The following LIMA1 variants were observed in gnomAD, a reference collection of about 807,000 sequenced individuals.
The protein encoded by LIMA1 is LIM domain and actin binding 1.
LIMA1 carries 52 observed loss-of-function variants against 62.6 expected under a neutral mutation model. The ratio of observed to expected loss-of-function variants is 0.83; its 90% confidence interval spans 0.67 to 1.05. The LOEUF is 1.05. Among genes scored for constraint, LIMA1 ranks in the 50% least tolerant of loss-of-function variants. LIMA1 has a pLI of 0.00. For missense variants in LIMA1, 780 were observed against 902.2 expected, an observed-to-expected ratio of 0.86 and a Z score of 1.74; for synonymous variants, 302 against 317.8, an observed-to-expected ratio of 0.95 and a Z score of 0.53.
intron 1 of LIMA1, among the ~76,000 whole-genome samples, chr12:50,263,813 G>GTGTGTC (rs1246747501): frequency 7.7e-6 from 1 of 129,136 alleles, no homozygotes; most frequent in African/African-American, 3.3e-5. Context: ...GTGTGTGTGT[G>GTGTGTC]TCTATATATA....
chr12:50,267,177 C>T (rs762128913), intron 1 of LIMA1, among the ~76,000 whole-genome samples: 1 of 152,054 alleles, frequency 6.6e-6, no homozygotes, highest in Non-Finnish European at 1.5e-5. Context: ...TCACGCCATT[C>T]TTCTGCCTCA....
At chr12:50,279,221 G>C (rs1942310128) in intron 1 of LIMA1, among the ~76,000 whole-genome samples, 1 of 150,894 alleles carries the variant, frequency 6.6e-6, no homozygotes, top group Non-Finnish European at 1.5e-5. Flanking sequence ...GGCCAGGCTG[G>C]TCTCGAACTC....
At chr12:50,240,983 A>G (rs1941769262) in intron 2 of LIMA1, among the ~76,000 whole-genome samples, 1 of 152,200 alleles carries the variant, frequency 6.6e-6, no homozygotes, top group East Asian at 1.9e-4. Context: ...GTGGGAGGGA[A>G]AAAGTGGTGA....
intron 6 of LIMA1, among the ~76,000 whole-genome samples, chr12:50,203,269 G>T (rs1350557220): frequency 1.3e-5 from 2 of 151,460 alleles, no homozygotes; most frequent in Non-Finnish European, 2.9e-5. Flanking sequence ...CCCACCTCAG[G>T]CTCCCAAAGT....
At chr12:50,232,074 G>T (rs1941620842) in intron 2 of LIMA1, among the ~76,000 whole-genome samples, 2 of 109,404 alleles carry the variant, frequency 1.8e-5, no homozygotes, top group East Asian at 2.7e-4. Context: ...TTTTGAGATA[G>T]GGTCTCACTC....
At chr12:50,230,266 C>G (rs1941589705) in intron 3 of LIMA1, among the ~76,000 whole-genome samples, 1 of 152,230 alleles carries the variant, frequency 6.6e-6, no homozygotes, top group African/African-American at 2.4e-5. Context: ...CAACTCCTAA[C>G]TTCAGGTGAT....
At chr12:50,259,454 T>C (rs1942038561) in intron 1 of LIMA1, among the ~76,000 whole-genome samples, 2 of 152,186 alleles carry the variant, frequency 1.3e-5, no homozygotes, top group Admixed American at 6.5e-5. Context: ...ACACATAGCT[T>C]TAAGTTTTAT....
chr12:50,204,657 A>G lies in LIMA1; in HGVS notation c.759T>C (p.Ser253=), dbSNP rs1941118800. ...SSTFDSEKNE[S]RRNLELPRLS... is the part of the protein sequence containing the mutation. Reference sequence around the variant, plus strand: ...GGCGTGGAAGTTCCAGATTTCGTCTACTCTCATTTTTCTCCGAGTCAAATG... The same window carrying G: ...GGCGTGGAAGTTCCAGATTTCGTCTGCTCTCATTTTTCTCCGAGTCAAATG... The change falls in exon 6 of 11, where the codon AGT becomes AGC. Residue 253 remains serine, a synonymous_variant. Transcript: ENST00000341247. 2 of 1,614,142 alleles carry G rather than the reference A, an allele frequency of 1.2e-6. No individual in the cohort carries two copies.
intron 5 of LIMA1, 148 bp downstream of exon 5, chr12:50,205,836 A>T: frequency 6.2e-6 from 2 of 324,940 alleles, no homozygotes; most frequent in African/African-American, 2.2e-5. Context: ...GAGAGCAATG[A>T]GATTTGAGAA....
chr12:50,215,179 C>T (rs186077624), intron 4 of LIMA1, among the ~76,000 whole-genome samples: 186 of 152,258 alleles, frequency 1.2e-3, no homozygotes, highest in African/African-American at 4.3e-3. Context: ...CTCTTATGTA[C>T]GAGTGTTATG....
Position 50,177,384 on chromosome 12 carries a change from G to A in LIMA1, c.1960C>T (p.Gln654Ter), listed in dbSNP as rs1442755598. The change falls in exon 11 of 11, where the codon CAA becomes TAA. Residue 654 changes from glutamine to a stop codon, truncating the protein, a stop_gained. Coordinates refer to ENST00000341247, the MANE Select transcript of LIMA1 (RefSeq NM_016357.5). LOFTEE classifies it low-confidence loss of function (END_TRUNC). ...KNGNVGKTTW[Q>*]NKESKGETGK... is the part of the protein sequence containing the mutation. The stretch of plus-strand genomic sequence containing the variant: ...GTCTCTCCTTTAGATTCTTTGTTTT[G>A]CCAGGTTGTTTTTCCCACATTCCCA... 6.2e-7 allele frequency: 1 copy of A among 1,613,914 alleles called. No individual in the cohort carries two copies. Among genetic ancestry groups the A allele is most frequent in the Non-Finnish European group, 8.5e-7 (1 of 1,180,026 alleles).
intron 9 of LIMA1, chr12:50,185,733 A>G (rs1181703368): frequency 3.2e-6 from 1 of 311,218 alleles, no homozygotes; most frequent in East Asian, 8.1e-5. Flanking sequence ...TACCTCCCAC[A>G]CCTGACCCAC....
intron 6 of LIMA1, chr12:50,204,315 C>T: frequency 2.5e-6 from 1 of 406,644 alleles, no homozygotes. Context: ...ATGATACTCA[C>T]TGGTAACATC....
In LIMA1 at chr12:50,221,955, T is replaced by G. The variant is rs1941448821; in HGVS notation, c.630+66A>C. ...TCGCCTCTACTCAAAATAGCTAGATTGGAAAAACAGCTTTGTTTAGTGCTT... is the reference window on the plus strand; with the variant it reads ...TCGCCTCTACTCAAAATAGCTAGATGGGAAAAACAGCTTTGTTTAGTGCTT... On this transcript the variant is annotated intron_variant, in intron 4 of 10. Coordinates refer to ENST00000341247, the MANE Select transcript of LIMA1 (RefSeq NM_016357.5). The G allele has an allele frequency of 2.1e-6, 3 of 1,399,994 alleles. No homozygotes were observed. In the South Asian group the frequency reaches 4.1e-5, roughly 19 times the overall value. 86.7% of individuals were successfully genotyped at this position (1,399,994 alleles called of 1,614,324 possible).
In LIMA1 at chr12:50,177,506, C is replaced by T. The variant is rs1474873735; in HGVS notation, c.1838G>A (p.Arg613Lys). 2.5e-6 allele frequency: 4 copies of T among 1,612,792 alleles called. No homozygotes were observed. The East Asian group carries it at 8.9e-5, about 36-fold the overall frequency. ...CTGCTCTGACATGCTCCAGCCTTTCCTGATAGGTGGGGACACAGTTTTTGG... is the reference window on the plus strand; with the variant it reads ...CTGCTCTGACATGCTCCAGCCTTTCTTGATAGGTGGGGACACAGTTTTTGG... The part of the protein sequence containing the change: ...KSPKTVSPPI[R>K]KGWSMSEQSE... Residue 613 changes from arginine (R) to lysine (K), a missense_variant, in exon 11 of 11, where the codon AGG (arginine) becomes AAG (lysine). Arg to Lys is a conservative substitution (Grantham distance 26, BLOSUM62 2). Transcript: ENST00000341247.
chr12:50,222,465 C>T lies in LIMA1; in HGVS notation c.186G>A (p.Gln62=). ...CAGTCAGGGTCCCCTTTCTAAAGTG[C>T]TGGGAGAGATTTTCGGTGTTCTAGA... is the stretch of plus-strand genomic sequence containing the variant. ...KKRSNTENLS[Q]HFRKGTLTVL... is the part of the protein sequence containing the mutation. Residue 62 remains glutamine (Q), a synonymous_variant, in exon 4 of 11, where the codon CAG becomes CAA. Transcript: ENST00000341247. 6.2e-7 allele frequency: 1 copy of T among 1,613,994 alleles called. No homozygotes were observed. The highest frequency in any genetic ancestry group is 1.1e-5 in the South Asian group (1 of 91,070).
At chr12:50,236,613 T>G (rs1463623483) in intron 2 of LIMA1, among the ~76,000 whole-genome samples, 1 of 145,334 alleles carries the variant, frequency 6.9e-6, no homozygotes, top group Admixed American at 6.8e-5. Context: ...AAGATTTTCT[T>G]AAAAAGCTAA....
chr12:50,206,127 G>T, intron 4 of LIMA1, 59 bp from the exon 5 acceptor site: 6 of 1,318,812 alleles, frequency 4.5e-6, no homozygotes, highest in Non-Finnish European at 6.5e-6. Context: ...TTGACGCAAG[G>T]TTCAACTTGC....
chr12:50,227,237 C>CTTTTTTTTTTTTTTTTTT (rs199650468), intron 3 of LIMA1, among the ~76,000 whole-genome samples: 9 of 124,008 alleles, frequency 7.3e-5, no homozygotes, highest in Non-Finnish European at 9.9e-5. Flanking sequence ...TTTTTCTTTT[C>CTTTTTTTTTTTTTTTTTT]TTTTTTTTTT....
Sources: allele counts gnomAD v4.1 joint callset (sites outside exome capture counted in the v4.1 genomes callset), GRCh38; gene constraint gnomAD v4.1.1; transcripts MANE v1.5; gene names NCBI Gene and HGNC (gene_info 2026-07-23, HGNC 2026-07-21).